The following FER1L6 variants were observed in gnomAD, a reference collection of about 807,000 sequenced individuals.
The protein encoded by FER1L6 is fer-1 like family member 6.
FER1L6 carries 177 observed loss-of-function variants against 219.2 expected under a neutral mutation model. The ratio of observed to expected loss-of-function variants is 0.81; its 90% CI spans 0.71 to 0.91. The LOEUF is 0.91. Ranked by LOEUF, FER1L6 falls within the 40% of genes least tolerant of loss-of-function variation. FER1L6 has a pLI of 0.00. For synonymous variants in FER1L6, 768 were observed against 824.3 expected (o/e 0.93, Z 1.17); for missense variants, 2,153 against 2,259.9 (o/e 0.95, Z 0.96).
chr8:124,087,293 A>T lies in FER1L6; in HGVS notation c.4392-4130A>T, dbSNP rs576885421. ...TTCAATTCTTTGTTTGTTTCCTCTGACTGTGTATTTTCAAATAGTCTATCT... is the reference window on the plus strand; with the variant it reads ...TTCAATTCTTTGTTTGTTTCCTCTGTCTGTGTATTTTCAAATAGTCTATCT... On this transcript the variant is annotated intron_variant, in intron 33 of 40. Transcript: ENST00000522917. 8.6e-5 allele frequency among the ~76,000 whole-genome samples: 13 copies of T among 151,308 alleles called. No homozygotes were observed. In the South Asian group the frequency reaches 2.7e-3, roughly 31 times the overall value.
Position 124,082,333 on chromosome 8 carries a change from C to T in FER1L6, c.4266C>T (p.Ser1422=). The change falls in exon 33 of 41, where the codon TCC becomes TCT. Residue 1422 remains serine (S), a synonymous_variant. Coordinates refer to ENST00000522917, the MANE Select transcript of FER1L6 (RefSeq NM_001039112.2). ...QATFPKESLL[S]ILIYDHDMIG... ...CATTCCCAAAAGAGTCCCTGCTCTC[C>T]ATCCTGATCTATGACCATGACATGA... 6.2e-7 allele frequency: 1 copy of T among 1,613,784 alleles called. No homozygotes were observed. Among genetic ancestry groups the T allele is most frequent in the Non-Finnish European group, 8.5e-7 (1 of 1,179,792 alleles).
intron 1 of FER1L6, among the ~76,000 whole-genome samples, chr8:123,912,394 A>G (rs1382958604): frequency 6.6e-6 from 1 of 152,178 alleles, no homozygotes; most frequent in Non-Finnish European, 1.5e-5. Flanking sequence ...ACACCTGCAC[A>G]GCACCTATAA....
In FER1L6 at chr8:124,023,548, G is replaced by T. The variant is rs4358790; in HGVS notation, c.2238G>T (p.Ala746=). The T allele has an allele frequency of 5.6e-6, 9 of 1,613,764 alleles. No individual in the cohort carries two copies. The highest frequency in any genetic ancestry group is 1.3e-5 in the African/African-American group (1 of 74,832). ...AAGACCTCCTCTATTCCCCTGTCGC[G>T]GGGCAGATGGGCAAACACTGCGGCA... ...ASKDLLYSPV[A]GQMGKHCGKI... Residue 746 remains alanine (A), a synonymous_variant, in exon 18 of 41, where the codon GCG becomes GCT. Transcript: ENST00000522917.
At chr8:124,118,392 T>C (rs564890383) in intron 39 of FER1L6, among the ~76,000 whole-genome samples, 2 of 152,178 alleles carry the variant, frequency 1.3e-5, no homozygotes, top group African/African-American at 4.8e-5. Context: ...ACCAAAAGAA[T>C]GAAGAGTGAC....
intron 1 of FER1L6, among the ~76,000 whole-genome samples, chr8:123,945,545 A>G (rs1814448105): frequency 1.3e-5 from 2 of 152,362 alleles, no homozygotes; most frequent in South Asian, 2.1e-4. Context: ...CAGGACATCA[A>G]TGAAAACTGA....
chr8:123,871,374 G>A lies in FER1L6; in HGVS notation c.-8+19189G>A, dbSNP rs117668836. On this transcript the variant is annotated intron_variant, in intron 1 of 40. Coordinates refer to ENST00000522917, the MANE Select transcript of FER1L6 (RefSeq NM_001039112.2). ...AAACCAGAGCTCTTCAGGAAAAAAC[G>A]GTTGATTCTAGGACTGGTGCAGAAA... is the stretch of plus-strand genomic sequence containing the variant. Among the ~76,000 whole-genome samples, 52 of 152,174 alleles carry A rather than the reference G, an allele frequency of 3.4e-4. No individual in the cohort carries two copies. In the East Asian group the frequency reaches 8.9e-3, roughly 26 times the overall value.
chr8:123,902,075 T>C (rs1306702281), intron 1 of FER1L6, among the ~76,000 whole-genome samples: 1 of 152,180 alleles, frequency 6.6e-6, no homozygotes, highest in Non-Finnish European at 1.5e-5. Context: ...CAGTGCTCAT[T>C]TGGGGGCAGA....
At chr8:124,043,825 G>A (rs896508516) in intron 20 of FER1L6, among the ~76,000 whole-genome samples, 1 of 152,218 alleles carries the variant, frequency 6.6e-6, no homozygotes, top group Non-Finnish European at 1.5e-5. Context: ...ATGTTTGTTT[G>A]GGTGAACCTT....
intron 21 of FER1L6, among the ~76,000 whole-genome samples, chr8:124,049,035 C>T (rs1374067377): frequency 6.7e-6 from 1 of 148,720 alleles, no homozygotes; most frequent in Non-Finnish European, 1.5e-5. Flanking sequence ...GATGAGCACC[C>T]CCACCACCTT....
chr8:123,920,543 G>T (rs1022576784), intron 1 of FER1L6, among the ~76,000 whole-genome samples: 1 of 152,234 alleles, frequency 6.6e-6, no homozygotes, highest in Non-Finnish European at 1.5e-5. Context: ...GCTCGGCCAG[G>T]AGGGCCCACG....
intron 5 of FER1L6, 82 bp from the exon 6 acceptor site, chr8:123,969,953 A>T: frequency 9.3e-7 from 1 of 1,078,640 alleles, no homozygotes; most frequent in Non-Finnish European, 1.4e-6. Flanking sequence ...TTTGAATGAC[A>T]AAGATCTAAA....
At chr8:123,985,571 T>C (rs1486644809) in intron 11 of FER1L6, 1 of 154,142 alleles carries the variant, frequency 6.5e-6, no homozygotes, top group Admixed American at 6.4e-5. Flanking sequence ...CCTTATCTGT[T>C]AAATGGGAAT....
At chr8:124,091,869 A>G (rs1822048863) in intron 34 of FER1L6, among the ~76,000 whole-genome samples, 1 of 151,722 alleles carries the variant, frequency 6.6e-6, no homozygotes, top group Non-Finnish European at 1.5e-5. Flanking sequence ...GGGGAGGCTG[A>G]GGCACGAGAA....
chr8:124,072,429 A>G (rs1211981818), intron 31 of FER1L6, among the ~76,000 whole-genome samples: 2 of 152,170 alleles, frequency 1.3e-5, no homozygotes, highest in Non-Finnish European at 2.9e-5. Flanking sequence ...ATGAACCCCA[A>G]TGGTTCATGG....
At chr8:124,012,230 A>C (rs1817970765) in intron 14 of FER1L6, among the ~76,000 whole-genome samples, 1 of 152,216 alleles carries the variant, frequency 6.6e-6, no homozygotes, top group Admixed American at 6.5e-5. Flanking sequence ...TTTGTAAAAC[A>C]AAGTATTGTC....
intron 31 of FER1L6, 125 bp from the exon 32 acceptor site, chr8:124,076,073 C>G: frequency 8.1e-7 from 1 of 1,232,316 alleles, no homozygotes; most frequent in East Asian, 2.5e-5. Context: ...AGCCCTGGCC[C>G]GTTAAATCAG....
intron 1 of FER1L6, among the ~76,000 whole-genome samples, chr8:123,906,899 G>A (rs962503551): frequency 4.6e-5 from 7 of 151,668 alleles, no homozygotes; most frequent in African/African-American, 1.2e-4. Flanking sequence ...CCAATTTCAC[G>A]TCTTGGATAT....
chr8:123,874,108 C>T (rs1816965504), intron 1 of FER1L6, among the ~76,000 whole-genome samples: 1 of 152,184 alleles, frequency 6.6e-6, no homozygotes, highest in South Asian at 2.1e-4. Flanking sequence ...CTATCCTTTG[C>T]CTATTCCCAG....
At chr8:123,976,156 A>C (rs1816063405) in intron 9 of FER1L6, 72 bp downstream of exon 9, 1 of 1,210,178 alleles carries the variant, frequency 8.3e-7, no homozygotes, top group South Asian at 1.8e-5. Context: ...ATGTTTAATC[A>C]AATCAAATTA....
Sources: gnomAD v4.1 joint callset for allele counts (sites outside exome capture counted in the v4.1 genomes callset) on GRCh38, gnomAD v4.1.1 for gene constraint, MANE v1.5 for transcripts, NCBI Gene and HGNC (gene_info 2026-07-23, HGNC 2026-07-21) for gene names.